MYO3B: variants seen among roughly 807,000 people sequenced by gnomAD.
MYO3B encodes the protein myosin IIIB.
A neutral mutation model predicts 174.6 loss-of-function variants in MYO3B; 156 were observed. The observed-to-expected ratio is 0.89, with a 90% CI of 0.78 to 1.02. MYO3B has a LOEUF of 1.02. Among genes scored for constraint, MYO3B ranks in the 50% least tolerant of loss-of-function variants. The pLI, the probability that MYO3B is intolerant of heterozygous loss-of-function variation, is 0.00. For synonymous variants in MYO3B, 563 were observed against 569.1 expected (o/e 0.99, Z 0.15); for missense variants, 1,632 against 1,639.4 (o/e 1.00, Z 0.08).
intron 2 of MYO3B, 81 bp downstream of exon 2, chr2:170,199,472 T>A: frequency 8.7e-7 from 1 of 1,147,908 alleles, no homozygotes; most frequent in Non-Finnish European, 1.2e-6. Context: ...TGATTTTAGG[T>A]TTAATTTTCA....
chr2:170,355,273 T>G (rs746787341), intron 8 of MYO3B, among the ~76,000 whole-genome samples: 5 of 152,188 alleles, frequency 3.3e-5, no homozygotes, highest in Non-Finnish European at 7.3e-5. Context: ...TTTTCCAGAC[T>G]TTTTAGTGTG....
chr2:170,447,323 T>C (rs1281068182), intron 23 of MYO3B, among the ~76,000 whole-genome samples: 1 of 152,202 alleles, frequency 6.6e-6, no homozygotes, highest in East Asian at 1.9e-4. Flanking sequence ...GTCGGGTTTT[T>C]TTTCTTCTTC....
At chr2:170,649,599 G>A (rs1481700784) in intron 32 of MYO3B, among the ~76,000 whole-genome samples, 1 of 150,008 alleles carries the variant, frequency 6.7e-6, no homozygotes, top group East Asian at 1.9e-4. Flanking sequence ...GGCCGAGGAG[G>A]GCAGATCACT....
At chr2:170,476,196 G>A (rs889287791) in intron 25 of MYO3B, among the ~76,000 whole-genome samples, 1 of 152,218 alleles carries the variant, frequency 6.6e-6, no homozygotes, top group Non-Finnish European at 1.5e-5. Context: ...CAAGCGCTGT[G>A]GGTTCCAGCC....
rs1476512303 is a variant in MYO3B at position 170,401,518 on chromosome 2, G to A, written c.1956G>A (p.Gln652=). 3 of 1,614,170 alleles carry A rather than the reference G, an allele frequency of 1.9e-6. No homozygotes were observed. Among genetic ancestry groups the A allele is most frequent in the Middle Eastern group, 1.6e-4 (1 of 6,062 alleles). The change falls in exon 18 of 35, where the codon CAG becomes CAA. Residue 652 remains glutamine, a synonymous_variant. Transcript: ENST00000408978. ...SVLCISPEEL[Q]EALTSHCVVT... ...TGTGCATTAGCCCTGAAGAGCTCCA[G>A]GAGGCCCTCACCTCCCACTGTGTGG... is the stretch of plus-strand genomic sequence containing the variant.
At chr2:170,648,868 A>G (rs1698617489) in intron 32 of MYO3B, among the ~76,000 whole-genome samples, 1 of 105,352 alleles carries the variant, frequency 9.5e-6, no homozygotes, top group Non-Finnish European at 1.7e-5. Flanking sequence ...TATATTCTAT[A>G]TGTTTATATT....
At chr2:170,542,314 T>G (rs1030596471) in intron 30 of MYO3B, among the ~76,000 whole-genome samples, 1 of 152,238 alleles carries the variant, frequency 6.6e-6, no homozygotes, top group Non-Finnish European at 1.5e-5. Context: ...TTTTCCAAAC[T>G]TTGTTCCATG....
At chr2:170,581,691 T>C (rs1693159880) in intron 32 of MYO3B, among the ~76,000 whole-genome samples, 1 of 152,156 alleles carries the variant, frequency 6.6e-6, no homozygotes, top group Non-Finnish European at 1.5e-5. Context: ...TAGGTCCAGC[T>C]CCATTTATTG....
intron 32 of MYO3B, among the ~76,000 whole-genome samples, chr2:170,578,859 T>C (rs1274039270): frequency 2.0e-5 from 3 of 152,364 alleles, no homozygotes; most frequent in Admixed American, 2.0e-4. Flanking sequence ...CTTGGCTCTT[T>C]AGCAGTAGCT....
chr2:170,313,152 G>A (rs1381626897), intron 7 of MYO3B, among the ~76,000 whole-genome samples: 1 of 152,060 alleles, frequency 6.6e-6, no homozygotes, highest in East Asian at 1.9e-4. Flanking sequence ...GCACTGTTTG[G>A]CACTTTGAAG....
At chr2:170,468,761 G>A (rs961533710) in intron 25 of MYO3B, among the ~76,000 whole-genome samples, 8 of 152,168 alleles carry the variant, frequency 5.3e-5, no homozygotes, top group African/African-American at 1.7e-4. Flanking sequence ...AGCATTTATT[G>A]TTTTTATGGT....
intron 25 of MYO3B, among the ~76,000 whole-genome samples, chr2:170,497,218 G>A (rs1049422750): frequency 1.3e-5 from 2 of 152,108 alleles, no homozygotes; most frequent in South Asian, 4.2e-4. Flanking sequence ...TGAACAAACA[G>A]GTCTTGCTAA....
At chr2:170,427,355 A>G (rs1158911777) in intron 22 of MYO3B, among the ~76,000 whole-genome samples, 1 of 152,226 alleles carries the variant, frequency 6.6e-6, no homozygotes, top group African/African-American at 2.4e-5. Context: ...GTTAGTTTGG[A>G]TAATACAGCA....
chr2:170,594,722 C>T (rs1694030429), intron 32 of MYO3B, among the ~76,000 whole-genome samples: 1 of 151,974 alleles, frequency 6.6e-6, no homozygotes. Context: ...AAATCCCAAT[C>T]CCATCTATAT....
intron 32 of MYO3B, among the ~76,000 whole-genome samples, chr2:170,632,525 A>T (rs1451182725): frequency 1.3e-5 from 2 of 152,212 alleles, no homozygotes; most frequent in African/African-American, 4.8e-5. Context: ...CCACAAGAGA[A>T]AGCAGGAAAG....
At chr2:170,444,554 AAC>A (rs2094826431) in intron 23 of MYO3B, among the ~76,000 whole-genome samples, 1 of 152,212 alleles carries the variant, frequency 6.6e-6, no homozygotes, top group Non-Finnish European at 1.5e-5. Flanking sequence ...CCAACAGAGA[AAC>A]ACAGTTATCT....
At chr2:170,615,286 A>G in intron 32 of MYO3B, among the ~76,000 whole-genome samples, 1 of 152,226 alleles carries the variant, frequency 6.6e-6, no homozygotes, top group East Asian at 1.9e-4. Flanking sequence ...TGTAAACAAA[A>G]CAGGCAAAAA....
chr2:170,569,137 A>G (rs746835812), intron 32 of MYO3B, among the ~76,000 whole-genome samples: 3 of 152,066 alleles, frequency 2.0e-5, no homozygotes, highest in African/African-American at 4.8e-5. Flanking sequence ...ATTAACCATC[A>G]TGACTACGCT....
intron 25 of MYO3B, among the ~76,000 whole-genome samples, chr2:170,475,561 C>T (rs1178395221): frequency 6.6e-6 from 1 of 152,132 alleles, no homozygotes; most frequent in East Asian, 1.9e-4. Context: ...AGCTTATTCT[C>T]TCCTTTTGAG....
Sources: allele counts gnomAD v4.1 joint callset (sites outside exome capture counted in the v4.1 genomes callset), GRCh38; gene constraint gnomAD v4.1.1; transcripts MANE v1.5; gene names NCBI Gene and HGNC (gene_info 2026-07-23, HGNC 2026-07-21).